The following SMARCC1 variants were observed in gnomAD, a reference collection of about 807,000 sequenced individuals.
SMARCC1 encodes SWI/SNF complex subunit SMARCC1.
A neutral mutation model predicts 147.4 loss-of-function variants in SMARCC1; 43 were observed. The observed-to-expected ratio is 0.29, with a 90% CI of 0.23 to 0.38. The LOEUF (loss-of-function observed/expected upper bound fraction) is 0.38. Among genes scored for constraint, SMARCC1 ranks in the 10% least tolerant of loss-of-function variants. The pLI is 1.00. For missense variants in SMARCC1, 1,119 were observed against 1,381.1 expected, an observed-to-expected ratio of 0.81 and a Z score of 3.01; for synonymous variants, 495 against 484.4, an observed-to-expected ratio of 1.02 and a Z score of -0.29.
Position 47,738,010 on chromosome 3 carries a change from A to G in SMARCC1, c.483+19T>C. On this transcript the variant is annotated intron_variant, in intron 4 of 27. Coordinates refer to ENST00000254480, the MANE Select transcript of SMARCC1 (RefSeq NM_003074.4). ...ATATTAAAGGTAAACTTTTTAAATAACCTAAGTTTCCAAGTTACCTGCACC... is the reference window on the plus strand; with the variant it reads ...ATATTAAAGGTAAACTTTTTAAATAGCCTAAGTTTCCAAGTTACCTGCACC... 1 of 1,549,132 alleles carries G rather than the reference A, an allele frequency of 6.5e-7. No homozygotes were observed. The highest frequency in any genetic ancestry group is 8.8e-7 in the Non-Finnish European group (1 of 1,137,572).
chr3:47,751,961 G>A (rs935395565), intron 2 of SMARCC1, among the ~76,000 whole-genome samples: 1 of 152,084 alleles, frequency 6.6e-6, no homozygotes. Flanking sequence ...GCACACATCT[G>A]TGATCCCAGC....
chr3:47,689,690 C>T (rs2033767661), intron 12 of SMARCC1, among the ~76,000 whole-genome samples: 1 of 152,170 alleles, frequency 6.6e-6, no homozygotes, highest in African/African-American at 2.4e-5. Flanking sequence ...ATATCATAGT[C>T]ATGATCTTAA....
intron 26 of SMARCC1, among the ~76,000 whole-genome samples, chr3:47,596,464 AG>A (rs1344051641): frequency 6.6e-6 from 1 of 151,774 alleles, no homozygotes; most frequent in Non-Finnish European, 1.5e-5. Context: ...GCTACTCGGG[AG>A]GCTGAGGCAG....
At chr3:47,780,210 T>C (rs1298164387) in intron 1 of SMARCC1, among the ~76,000 whole-genome samples, 1 of 145,294 alleles carries the variant, frequency 6.9e-6, no homozygotes, top group Non-Finnish European at 1.5e-5. Context: ...CTTACTTTAT[T>C]ACCTAGGCTG....
At chr3:47,641,784 T>TACTCTTTAAAGTAAAG (rs2033050846) in intron 21 of SMARCC1, among the ~76,000 whole-genome samples, 2 of 152,230 alleles carry the variant, frequency 1.3e-5, no homozygotes, top group Admixed American at 6.5e-5. Context: ...TACTTTTATG[T>TACTCTTTAAAGTAAAG]ACATTTTTAA....
intron 6 of SMARCC1, 32 bp downstream of exon 6, chr3:47,728,993 G>A: frequency 7.1e-7 from 1 of 1,399,692 alleles, no homozygotes; most frequent in Middle Eastern, 1.8e-4. Flanking sequence ...TGATGTATGA[G>A]CTCATCTGTT....
chr3:47,612,739 AAAGT>A (rs2106672987), intron 25 of SMARCC1, among the ~76,000 whole-genome samples: 1 of 152,352 alleles, frequency 6.6e-6, no homozygotes, highest in East Asian at 1.9e-4. Flanking sequence ...TAATTTAAAA[AAAGT>A]AATTAGAAGA....
intron 2 of SMARCC1, among the ~76,000 whole-genome samples, chr3:47,758,166 C>G (rs1231344366): frequency 1.3e-5 from 2 of 152,124 alleles, no homozygotes; most frequent in Non-Finnish European, 2.9e-5. Context: ...GTCACCCAGG[C>G]TGGAGTGCAG....
At chr3:47,776,615 C>T (rs1469526004) in intron 1 of SMARCC1, among the ~76,000 whole-genome samples, 3 of 152,066 alleles carry the variant, frequency 2.0e-5, no homozygotes, top group African/African-American at 7.2e-5. Context: ...ATAATAACTA[C>T]AATCTGTATT....
chr3:47,717,984 C>A (rs557640082), intron 7 of SMARCC1, among the ~76,000 whole-genome samples: 2 of 151,600 alleles, frequency 1.3e-5, no homozygotes, highest in Non-Finnish European at 2.9e-5. Context: ...AGAGCACCCC[C>A]CCTGCCCCCG....
Position 47,686,069 on chromosome 3 carries a change from T to C in SMARCC1, c.1365A>G (p.Ala455=). Residue 455 remains alanine (A), a synonymous_variant, in exon 14 of 28, where the codon GCA becomes GCG. Coordinates refer to ENST00000254480, the MANE Select transcript of SMARCC1 (RefSeq NM_003074.4). The part of the protein sequence containing the change: ...QTNHIIIPSY[A]SWFDYNCIHV... The stretch of plus-strand genomic sequence containing the variant: ...CTCACCAGTTATAATCAAACCATGA[T>C]GCATAACTAGGAATAATAATGTGAT... The C allele has an allele frequency of 6.2e-7, 1 of 1,612,674 alleles. No individual in the cohort carries two copies. Among genetic ancestry groups the C allele is most frequent in the East Asian group, 2.2e-5 (1 of 44,840 alleles).
At chr3:47,624,206 G>A (rs974403912) in intron 24 of SMARCC1, among the ~76,000 whole-genome samples, 6 of 151,872 alleles carry the variant, frequency 4.0e-5, no homozygotes, top group African/African-American at 1.2e-4. Context: ...CATAAGAATC[G>A]CTTAAAGCCA....
intron 12 of SMARCC1, among the ~76,000 whole-genome samples, chr3:47,691,034 T>C (rs1476361206): frequency 6.6e-6 from 1 of 152,210 alleles, no homozygotes; most frequent in Non-Finnish European, 1.5e-5. Flanking sequence ...TCTCTCCCAT[T>C]ACTCAAATTA....
intron 9 of SMARCC1, among the ~76,000 whole-genome samples, chr3:47,708,711 T>TC (rs2034047584): frequency 6.6e-6 from 1 of 152,106 alleles, no homozygotes; most frequent in South Asian, 2.1e-4. Context: ...AAATTTTGAA[T>TC]AGTCCAATTC....
intron 18 of SMARCC1, among the ~76,000 whole-genome samples, chr3:47,671,197 A>AACAC (rs1553682027): frequency 9.6e-5 from 6 of 62,368 alleles, no homozygotes; most frequent in Non-Finnish European, 2.0e-4. Flanking sequence ...AAAAAAAAAA[A>AACAC]ACACACACAA....
chr3:47,740,178 C>CTTTTTTTTTTTT (rs34523367), intron 3 of SMARCC1, among the ~76,000 whole-genome samples: 5 of 35,716 alleles, frequency 1.4e-4, no homozygotes, highest in African/African-American at 2.4e-4. Context: ...GCCCGGCCAT[C>CTTTTTTTTTTTT]TTTTTTTTTT....
chr3:47,766,923 G>A (rs576516168), intron 2 of SMARCC1, among the ~76,000 whole-genome samples: 3 of 152,178 alleles, frequency 2.0e-5, no homozygotes, highest in Admixed American at 6.6e-5. Context: ...GGTGGCTCAC[G>A]CCTGTAATCC....
At chr3:47,625,684 T>C (rs1435446132) in intron 24 of SMARCC1, among the ~76,000 whole-genome samples, 1 of 152,184 alleles carries the variant, frequency 6.6e-6, no homozygotes, top group Non-Finnish European at 1.5e-5. Flanking sequence ...ATTAACTTAG[T>C]GGATCATAGA....
chr3:47,759,067 C>G (rs2034739805), intron 2 of SMARCC1, among the ~76,000 whole-genome samples: 1 of 151,818 alleles, frequency 6.6e-6, no homozygotes, highest in South Asian at 2.1e-4. Flanking sequence ...GGCCATAGTG[C>G]AGAGGTGCAA....
Sources: allele counts gnomAD v4.1 joint callset (sites outside exome capture counted in the v4.1 genomes callset), GRCh38; gene constraint gnomAD v4.1.1; transcripts MANE v1.5; gene names NCBI Gene and HGNC (gene_info 2026-07-23, HGNC 2026-07-21).